Variants in ALDH1A2 observed in about 807,000 individuals in gnomAD.
The protein encoded by ALDH1A2 is aldehyde dehydrogenase 1 family member A2, also known as retinal dehydrogenase 2.
In ALDH1A2, 27 loss-of-function variants were observed where a neutral mutation model predicts 60.3. That is an observed-to-expected ratio of 0.45 (90% CI 0.33 to 0.62). ALDH1A2 has a LOEUF of 0.62. ALDH1A2 is among the 20% of genes least tolerant of loss of function. ALDH1A2 has a pLI of 0.02. For missense variants in ALDH1A2, 581 were observed against 643.8 expected (o/e 0.90, Z 1.06); for synonymous variants, 289 against 232.4 (o/e 1.24, Z -2.21).
At chr15:57,997,234 C>T (rs998737886) in intron 4 of ALDH1A2, among the ~76,000 whole-genome samples, 3 of 152,022 alleles carry the variant, frequency 2.0e-5, no homozygotes, top group South Asian at 2.1e-4. Flanking sequence ...ATGCAGATAA[C>T]TAAAGAATCT....
intron 1 of ALDH1A2, among the ~76,000 whole-genome samples, chr15:58,042,891 C>T (rs1896553580): frequency 1.3e-5 from 2 of 151,896 alleles, no homozygotes; most frequent in African/African-American, 2.4e-5. Flanking sequence ...GTCTGAAAGG[C>T]CAAATTGAAT....
chr15:57,982,504 GTTTTC>G (rs1894549755), intron 7 of ALDH1A2, among the ~76,000 whole-genome samples: 2 of 152,104 alleles, frequency 1.3e-5, no homozygotes, highest in African/African-American at 2.4e-5. Flanking sequence ...GGAGTACTTT[GTTTTC>G]TTTTAAGAGA....
chr15:58,003,054 T>C (rs557518591), intron 4 of ALDH1A2, among the ~76,000 whole-genome samples: 190 of 151,984 alleles, frequency 1.3e-3, no homozygotes, highest in Non-Finnish European at 2.0e-3. Flanking sequence ...TGTTCCTGAG[T>C]CTGTCATGAA....
intron 1 of ALDH1A2, among the ~76,000 whole-genome samples, chr15:58,055,899 A>C (rs1302623608): frequency 8.9e-6 from 1 of 112,202 alleles, no homozygotes; most frequent in Non-Finnish European, 2.1e-5. Flanking sequence ...ATTCAAAAAA[A>C]AGGTCTTTTA....
At chr15:58,022,145 C>G (rs1216030720) in intron 1 of ALDH1A2, among the ~76,000 whole-genome samples, 7 of 152,132 alleles carry the variant, frequency 4.6e-5, no homozygotes, top group African/African-American at 1.7e-4. Context: ...ACAGCTAGTG[C>G]CTCCTCTCAC....
rs142329871 is a variant in ALDH1A2 at position 58,004,925 on chromosome 15, G to C, written c.493+5724C>G. Among the ~76,000 whole-genome samples the C allele has an allele frequency of 3.6e-3, 540 of 151,346 alleles. 1 individual carries two copies. Among genetic ancestry groups the C allele is most frequent in the Middle Eastern group, 6.8e-3 (2 of 292 alleles). On this transcript the variant is annotated intron_variant, in intron 4 of 12. Transcript: ENST00000249750. ...AACACCCCATGTTCATGGATTAGAA[G>C]ACTCAATATTGTTAAAATGACCATA...
At chr15:57,969,394 C>G (rs1893990892) in intron 7 of ALDH1A2, among the ~76,000 whole-genome samples, 3 of 152,126 alleles carry the variant, frequency 2.0e-5, no homozygotes, top group Admixed American at 6.5e-5. Context: ...TTGTTATAAC[C>G]CACAGGTTTC....
chr15:58,014,019 C>A (rs1453867877), intron 2 of ALDH1A2, 21 bp from the exon 3 acceptor site: 6 of 1,613,916 alleles, frequency 3.7e-6, no homozygotes, highest in South Asian at 1.1e-5. Flanking sequence ...GGAAGAGGCA[C>A]AACTGAAGAA....
chr15:58,029,498 A>G (rs1334020078), intron 1 of ALDH1A2, among the ~76,000 whole-genome samples: 2 of 152,060 alleles, frequency 1.3e-5, no homozygotes, highest in African/African-American at 2.4e-5. Flanking sequence ...GAGAAGCAAC[A>G]GCAAACAAAT....
In ALDH1A2 at chr15:57,984,708, G is replaced by A. The variant is rs193223330; in HGVS notation, c.798+7997C>T. The stretch of plus-strand genomic sequence containing the variant: ...ATAAATACCTCACTCCTTTTTATGG[G>A]TGAACAGTATTCCATTGTATGGATA... On this transcript the variant is annotated intron_variant, in intron 7 of 12. Transcript: ENST00000249750. Among the ~76,000 whole-genome samples the A allele has an allele frequency of 1.4e-4, 21 of 152,304 alleles. No homozygotes were observed. In the East Asian group the frequency reaches 3.9e-3, roughly 28 times the overall value.
chr15:57,997,774 G>C (rs1375929180), intron 4 of ALDH1A2, among the ~76,000 whole-genome samples: 2 of 151,974 alleles, frequency 1.3e-5, no homozygotes, highest in Admixed American at 6.6e-5. Context: ...AAGAGAAACT[G>C]AGTTATGAGG....
chr15:58,017,237 T>C (rs1353481776), intron 1 of ALDH1A2, among the ~76,000 whole-genome samples: 1 of 152,232 alleles, frequency 6.6e-6, no homozygotes, highest in Non-Finnish European at 1.5e-5. Context: ...TGGACCATCC[T>C]GCTCTGATAA....
At chr15:57,972,936 G>A (rs1455178812) in intron 7 of ALDH1A2, among the ~76,000 whole-genome samples, 3 of 152,150 alleles carry the variant, frequency 2.0e-5, no homozygotes, top group African/African-American at 7.2e-5. Context: ...CCTGATTCAT[G>A]ACTCAAGCAG....
At chr15:58,022,910 C>A (rs1213626725) in intron 1 of ALDH1A2, among the ~76,000 whole-genome samples, 1 of 152,008 alleles carries the variant, frequency 6.6e-6, no homozygotes, top group Non-Finnish European at 1.5e-5. Flanking sequence ...ACTGTTATAC[C>A]AGATGTGCAG....
chr15:58,038,805 G>C (rs1437192007), intron 1 of ALDH1A2, among the ~76,000 whole-genome samples: 1 of 151,742 alleles, frequency 6.6e-6, no homozygotes, highest in African/African-American at 2.4e-5. Flanking sequence ...CTATAAACAA[G>C]GTAATGCCTA....
At chr15:57,980,047 G>C (rs529356885) in intron 7 of ALDH1A2, 2 of 325,036 alleles carry the variant, frequency 6.2e-6, no homozygotes, top group African/African-American at 2.2e-5. Flanking sequence ...GTGGTCCATG[G>C]GGGGGCAGGA....
intron 1 of ALDH1A2, 118 bp from the exon 2 acceptor site, chr15:58,014,399 T>C (rs997228514): frequency 2.3e-6 from 2 of 856,390 alleles, no homozygotes; most frequent in Non-Finnish European, 3.9e-6. Context: ...AAGTATACAA[T>C]TTGAAGTGTT....
intron 1 of ALDH1A2, among the ~76,000 whole-genome samples, chr15:58,032,066 C>T (rs1418673577): frequency 5.3e-5 from 8 of 151,922 alleles, no homozygotes; most frequent in Admixed American, 2.0e-4. Flanking sequence ...GTATGTTTAT[C>T]GCGGCACTAT....
intron 7 of ALDH1A2, chr15:57,991,303 T>G (rs549303241): frequency 6.4e-4 from 97 of 152,372 alleles, no homozygotes; most frequent in African/African-American, 2.3e-3. Context: ...ATACTCACAT[T>G]TTGGTTTAAA....
Sources: allele counts gnomAD v4.1 joint callset (sites outside exome capture counted in the v4.1 genomes callset), GRCh38; gene constraint gnomAD v4.1.1; transcripts MANE v1.5; gene names NCBI Gene and HGNC (gene_info 2026-07-23, HGNC 2026-07-21).